Variants in CALCA observed in about 807,000 individuals in gnomAD.
The protein encoded by CALCA is calcitonin related polypeptide alpha.
In CALCA, 4 loss-of-function variants were observed where a neutral mutation model predicts 6.9. The observed-to-expected ratio is 0.58, with a 90% CI of 0.29 to 1.33. The LOEUF is 1.33. Among genes scored for constraint, CALCA ranks in the 40% most tolerant of loss-of-function variants. The pLI is 0.09. For missense variants in CALCA, 174 were observed against 178.3 expected, an observed-to-expected ratio of 0.98 and a Z score of 0.14; for synonymous variants, 78 against 70.0, an observed-to-expected ratio of 1.11 and a Z score of -0.57.
chr11:14,966,721 C>T (rs1460177454), downstream of CALCA: 1 of 152,548 alleles, frequency 6.6e-6, no homozygotes, highest in African/African-American at 2.4e-5. Context: ...CAAATGACAG[C>T]ATTGACATTT....
At chr11:14,967,777 C>T, downstream of CALCA, 1 of 1,614,230 alleles carries the variant, frequency 6.2e-7, no homozygotes, top group Non-Finnish European at 8.5e-7. Context: ...CACCACACCC[C>T]CTGATCTGCT....
chr11:14,968,177 G>C, downstream of CALCA: 1 of 405,800 alleles, frequency 2.5e-6, no homozygotes, highest in Non-Finnish European at 4.6e-6. Flanking sequence ...TGACACTGGA[G>C]TGAATTATGG....
chr11:14,971,732 G>A (rs1444140099), intron 1 of CALCA, among the ~76,000 whole-genome samples: 1 of 152,218 alleles, frequency 6.6e-6, no homozygotes, highest in East Asian at 1.9e-4. Flanking sequence ...GTCCCCTGCA[G>A]GAACCAAGTT....
chr11:14,970,112 C>G (rs782482262), intron 2 of CALCA, 37 bp from the exon 3 acceptor site: 5 of 1,610,778 alleles, frequency 3.1e-6, no homozygotes, highest in Non-Finnish European at 4.2e-6. Flanking sequence ...AGGCTGTGAG[C>G]CCCTGCCTGC....
intron 1 of CALCA, among the ~76,000 whole-genome samples, chr11:14,971,736 C>T (rs1006374397): frequency 3.3e-5 from 5 of 152,216 alleles, no homozygotes; most frequent in Non-Finnish European, 7.3e-5. Context: ...CCTGCAGGAA[C>T]CAAGTTTTAC....
At chr11:14,967,850 T>C, downstream of CALCA, 1 of 1,614,206 alleles carries the variant, frequency 6.2e-7, no homozygotes, top group Non-Finnish European at 8.5e-7. Context: ...TTCTGGGCAA[T>C]GATTCTGATT....
chr11:14,970,897 C>CA (rs1209546401), intron 2 of CALCA, among the ~76,000 whole-genome samples: 1 of 152,028 alleles, frequency 6.6e-6, no homozygotes, highest in Non-Finnish European at 1.5e-5. Flanking sequence ...GAGACTCTGT[C>CA]TCAAAAAAAT....
At position 14,971,049 on chromosome 11, in the gene CALCA, A is replaced by T. The variant is rs1292664066; in HGVS notation, c.86+58T>A. The T allele has an allele frequency of 3.5e-6, 5 of 1,429,196 alleles. No homozygotes were observed. In the Admixed American group the frequency reaches 6.7e-5, roughly 19 times the overall value. 88.5% of individuals were successfully genotyped at this position (1,429,196 alleles called of 1,614,324 possible). The stretch of plus-strand genomic sequence containing the variant: ...GGTTTTTAAGCATTCAGTACACCAC[A>T]CTTAAGAGGCATGGAATTGTCTGAT... On this transcript the variant is annotated intron_variant, in intron 2 of 3. Transcript: ENST00000331587.
At chr11:14,969,049 T>A in intron 3 of CALCA, 52 bp from the exon 4 acceptor site, 1 of 1,561,030 alleles carries the variant, frequency 6.4e-7, no homozygotes, top group Non-Finnish European at 8.8e-7. Flanking sequence ...TCTGTCCCCA[T>A]GGGCAGTCAC....
At position 14,969,915 on chromosome 11, in the gene CALCA, G is replaced by A; in HGVS notation, c.227+20C>T. 1 of 1,612,406 alleles carries A rather than the reference G, an allele frequency of 6.2e-7. No individual in the cohort carries two copies. Among genetic ancestry groups the A allele is most frequent in the Non-Finnish European group, 8.5e-7 (1 of 1,180,008 alleles). ...CTGCGGGGAGAGGAGGCCCTGTGCT[G>A]AGCGCTTGGGGAGCCTCACCTGGAG... On this transcript the variant is annotated intron_variant, in intron 3 of 3. Transcript: ENST00000331587.
downstream of CALCA, chr11:14,967,714 C>A (rs377434681): frequency 2.5e-6 from 4 of 1,614,134 alleles, no homozygotes; most frequent in Non-Finnish European, 2.5e-6. Flanking sequence ...AAGGTCCCTG[C>A]GGCGCCTGCC....
At chr11:14,967,724 C>T (rs782265235), downstream of CALCA, 5 of 1,614,174 alleles carry the variant, frequency 3.1e-6, no homozygotes, top group Non-Finnish European at 3.4e-6. Context: ...CGGCGCCTGC[C>T]AAAGGCTTTG....
chr11:14,968,044 C>G, downstream of CALCA: 1 of 695,254 alleles, frequency 1.4e-6, no homozygotes. Flanking sequence ...TGATCACTCC[C>G]CATAGATATT....
At chr11:14,970,200 G>GA in intron 2 of CALCA, 125 bp from the exon 3 acceptor site, 1 of 1,384,112 alleles carries the variant, frequency 7.2e-7, no homozygotes, top group South Asian at 1.4e-5. Context: ...AGTCCTAGGG[G>GA]ACAGGGCACA....
At chr11:14,970,375 T>C (rs1849572578) in intron 2 of CALCA, among the ~76,000 whole-genome samples, 1 of 152,258 alleles carries the variant, frequency 6.6e-6, no homozygotes, top group South Asian at 2.1e-4. Context: ...TTACAGTTAG[T>C]GCTGAACCTG....
chr11:14,970,853 C>T (rs570358747), intron 2 of CALCA, among the ~76,000 whole-genome samples: 8 of 152,068 alleles, frequency 5.3e-5, no homozygotes, highest in African/African-American at 1.4e-4. Flanking sequence ...TGAGCCGACA[C>T]GGTGCCATTG....
chr11:14,969,971 C>G lies in CALCA; in HGVS notation c.191G>C (p.Ser64Thr). 1 of 1,613,844 alleles carries G rather than the reference C, an allele frequency of 6.2e-7. No homozygotes were observed. Among genetic ancestry groups the G allele is most frequent in the Non-Finnish European group, 8.5e-7 (1 of 1,180,048 alleles). Residue 64 changes from serine to threonine, a missense_variant, in exon 3 of 4, where the codon AGT (serine) becomes ACT (threonine). By Grantham distance (58) the Ser-to-Thr change is moderately conservative (BLOSUM62 1). Transcript: ENST00000331587. ...TCTCTCTTGCTCCTGCTCCAGCTCA[C>G]TGGCCTTCATCTGCACATAGTCCTG... ...LVQDYVQMKA[S>T]ELEQEQEREG...
At chr11:14,968,249 A>G, downstream of CALCA, 1 of 324,982 alleles carries the variant, frequency 3.1e-6, no homozygotes, top group Non-Finnish European at 5.7e-6. Context: ...CGGGCACCAA[A>G]TACCCTTTCT....
chr11:14,971,197 C>A lies in CALCA; in HGVS notation c.-5G>T. 1.2e-6 allele frequency: 2 copies of A among 1,612,644 alleles called. No homozygotes were observed. The highest frequency in any genetic ancestry group is 1.7e-6 in the Non-Finnish European group (2 of 1,178,666). ...GGAGAACTTTTGGAAGCCCATGACA[C>A]CTCTCTGCAAGGGAAGAATGAGATA... On this transcript the variant is annotated 5_prime_UTR_variant, in exon 2 of 4. Coordinates refer to ENST00000331587, the MANE Select transcript of CALCA (RefSeq NM_001741.3).
Sources: allele counts gnomAD v4.1 joint callset (sites outside exome capture counted in the v4.1 genomes callset), GRCh38; gene constraint gnomAD v4.1.1; transcripts MANE v1.5; gene names NCBI Gene and HGNC (gene_info 2026-07-23, HGNC 2026-07-21).